Variants in EMCN observed in about 807,000 individuals in gnomAD.
The protein encoded by EMCN is MUC-14.
A neutral mutation model predicts 38.4 loss-of-function variants in EMCN; 37 were observed. The observed-to-expected ratio is 0.96, with a 90% CI of 0.74 to 1.27. The LOEUF (loss-of-function observed/expected upper bound fraction) is 1.27, where lower values mean the gene tolerates loss of function less well. EMCN is among the 50% of genes most tolerant of loss of function. The probability of loss-of-function intolerance (pLI) is 0.00; values close to 1 mark genes in which losing one functional copy is unlikely to be tolerated. For missense variants in EMCN, 318 were observed against 302.8 expected (o/e 1.05, Z -0.37); for synonymous variants, 95 against 100.8 (o/e 0.94, Z 0.35).
intron 8 of EMCN, among the ~76,000 whole-genome samples, chr4:100,420,445 G>A (rs1366639446): frequency 6.6e-6 from 1 of 151,992 alleles, no homozygotes; most frequent in African/African-American, 2.4e-5. Flanking sequence ...GAATAGTATG[G>A]ATGAGGGCAT....
intron 4 of EMCN, among the ~76,000 whole-genome samples, chr4:100,449,263 G>A (rs960143772): frequency 6.6e-6 from 1 of 152,044 alleles, no homozygotes; most frequent in Non-Finnish European, 1.5e-5. Flanking sequence ...CAACTTTTAT[G>A]ATCAGTTTCA....
intron 3 of EMCN, 73 bp from the exon 4 acceptor site, chr4:100,465,612 T>A: frequency 1.3e-6 from 1 of 749,758 alleles, no homozygotes; most frequent in Non-Finnish European, 2.1e-6. Flanking sequence ...CATATTAATA[T>A]CCAACTAAAA....
At position 100,397,222 on chromosome 4, in the gene EMCN, A is replaced by G. The variant is rs1395266404; in HGVS notation, c.*1191T>C. 3 of 152,188 alleles carry G rather than the reference A, an allele frequency of 2.0e-5. No homozygotes were observed. Among genetic ancestry groups the G allele is most frequent in the African/African-American group, 4.8e-5 (2 of 41,462 alleles). The allele number at this position is 152,188 out of a possible 1,614,324, so 9.4% of individuals were successfully genotyped here. ...AAATCAGCTTAGATAATCATACGTT[A>G]CAAAGCTGCCACCAGCAGCTTATTA... On this transcript the variant is annotated 3_prime_UTR_variant, in exon 12 of 12. Transcript: ENST00000296420.
At position 100,410,341 on chromosome 4, in the gene EMCN, G is replaced by A; in HGVS notation, c.766C>T (p.Gln256Ter). 2.5e-6 allele frequency: 4 copies of A among 1,613,716 alleles called. No individual in the cohort carries two copies. Among genetic ancestry groups the A allele is most frequent in the Non-Finnish European group, 3.4e-6 (4 of 1,179,700 alleles). Residue 256 changes from glutamine (Q) to a stop codon, truncating the protein, a stop_gained, in exon 11 of 12, where the codon CAA (glutamine) becomes TAA (stop). Transcript: ENST00000296420. LOFTEE classifies it high-confidence loss of function. ...ISHESGEHSA[Q>*]GKTKN ...AGCTGTCAGTTCTTGGTTTTTCCTT[G>A]TGCAGAGTGCTCACCTGAGAACAGA... is the stretch of plus-strand genomic sequence containing the variant.
At chr4:100,505,915 A>G (rs977377321) in intron 1 of EMCN, among the ~76,000 whole-genome samples, 1 of 152,184 alleles carries the variant, frequency 6.6e-6, no homozygotes, top group East Asian at 1.9e-4. Flanking sequence ...TACACTCTGA[A>G]AATTTAGTTG....
In EMCN at chr4:100,395,819, C is replaced by T. The variant is rs1726105465; in HGVS notation, c.*2594G>A. ...AGAATTCTTTCTCTGCTGGCTGAGC[C>T]TGTATGTCAGCCAACAACATCCACT... On this transcript the variant is annotated 3_prime_UTR_variant, in exon 12 of 12. Transcript: ENST00000296420. The T allele has an allele frequency of 6.6e-6, 1 of 152,180 alleles. No homozygotes were observed. Among genetic ancestry groups the T allele is most frequent in the South Asian group, 2.1e-4 (1 of 4,828 alleles). The allele number at this position is 152,180 out of a possible 1,614,324, so 9.4% of individuals were successfully genotyped here.
chr4:100,400,361 T>TTG (rs1330018093), intron 11 of EMCN, among the ~76,000 whole-genome samples: 2 of 151,804 alleles, frequency 1.3e-5, no homozygotes, highest in African/African-American at 4.8e-5. Context: ...ACATTTTTTT[T>TTG]TTTTGTTTTT....
chr4:100,489,819 CGACTGTGG>C (rs1374556867), intron 1 of EMCN, among the ~76,000 whole-genome samples: 1 of 152,056 alleles, frequency 6.6e-6, no homozygotes, highest in African/African-American at 2.4e-5. Context: ...TCCACAAGGC[CGACTGTGG>C]GACTTGAGCA....
intron 5 of EMCN, among the ~76,000 whole-genome samples, chr4:100,445,782 G>T (rs902760404): frequency 1.3e-5 from 2 of 152,062 alleles, no homozygotes; most frequent in African/African-American, 2.4e-5. Context: ...TTGGGGGATG[G>T]TGTTTCCTGA....
chr4:100,463,627 ACTC>A (rs1298300612), intron 4 of EMCN, among the ~76,000 whole-genome samples: 2 of 151,104 alleles, frequency 1.3e-5, no homozygotes, highest in Non-Finnish European at 3.0e-5. Context: ...CAAATGAAAA[ACTC>A]CTGTGAGCTT....
At chr4:100,452,386 A>C (rs1474321162) in intron 4 of EMCN, among the ~76,000 whole-genome samples, 2 of 152,026 alleles carry the variant, frequency 1.3e-5, no homozygotes, top group Non-Finnish European at 2.9e-5. Flanking sequence ...CAAATCTCTA[A>C]TATTGTATTC....
At chr4:100,498,968 A>T (rs1729281223) in intron 1 of EMCN, among the ~76,000 whole-genome samples, 1 of 152,148 alleles carries the variant, frequency 6.6e-6, no homozygotes, top group African/African-American at 2.4e-5. Flanking sequence ...GAGCTATTAA[A>T]TGTATTCTTT....
At chr4:100,410,547 A>G (rs1487878988) in intron 10 of EMCN, among the ~76,000 whole-genome samples, 192 bp from the exon 11 acceptor site, 4 of 152,152 alleles carry the variant, frequency 2.6e-5, no homozygotes, top group Admixed American at 6.6e-5. Flanking sequence ...CCCAGACATC[A>G]TCTGTTTTCA....
At chr4:100,485,382 T>C (rs538339505) in intron 1 of EMCN, among the ~76,000 whole-genome samples, 21 of 152,218 alleles carry the variant, frequency 1.4e-4, no homozygotes, top group African/African-American at 5.1e-4. Flanking sequence ...TATCACAGTA[T>C]ATCATGAACA....
chr4:100,424,755 G>A lies in EMCN; in HGVS notation c.416-1351C>T, dbSNP rs878898966. ...AGCTGAAACCTTGGTACTTTCAGCT[G>A]CCTTTTCCAGTGTCAAGTAGTTTAG... On this transcript the variant is annotated intron_variant, in intron 5 of 11. Coordinates refer to ENST00000296420, the MANE Select transcript of EMCN (RefSeq NM_016242.4). Among the ~76,000 whole-genome samples, 8 of 152,004 alleles carry A rather than the reference G, an allele frequency of 5.3e-5. 1 individual carries two copies. Among genetic ancestry groups the A allele is most frequent in the Admixed American group, 5.3e-4 (8 of 15,238 alleles).
intron 11 of EMCN, among the ~76,000 whole-genome samples, chr4:100,403,806 G>A (rs1176507570): frequency 6.6e-6 from 1 of 151,888 alleles, no homozygotes; most frequent in East Asian, 1.9e-4. Context: ...GTTTTGATTT[G>A]CATTTCCCAA....
rs1450643314 is a variant in EMCN, at chr4:100,517,940, TTC to T, written c.-28_-27del. On this transcript the variant is annotated 5_prime_UTR_variant, in exon 1 of 12. Transcript: ENST00000296420. ...GGTGCCCGTAGATGGTGTCAATATC[TTC>T]TTTCTCCAGAAGCAGGCAGGGACAA... is the stretch of plus-strand genomic sequence containing the variant. 1.9e-6 allele frequency: 3 copies of T among 1,611,096 alleles called. No homozygotes were observed. Among genetic ancestry groups the T allele is most frequent in the Non-Finnish European group, 2.5e-6 (3 of 1,177,706 alleles).
chr4:100,512,185 C>T (rs1002663256), intron 1 of EMCN, among the ~76,000 whole-genome samples: 20 of 151,998 alleles, frequency 1.3e-4, no homozygotes, highest in African/African-American at 4.1e-4. Flanking sequence ...AATGCTCATA[C>T]GGTGACTTCT....
intron 11 of EMCN, among the ~76,000 whole-genome samples, chr4:100,402,852 C>T (rs1726292843): frequency 6.6e-6 from 1 of 151,934 alleles, no homozygotes; most frequent in African/African-American, 2.4e-5. Context: ...AGAAGACTTG[C>T]TTTTTCCAAG....
Sources: allele counts gnomAD v4.1 joint callset (sites outside exome capture counted in the v4.1 genomes callset), GRCh38; gene constraint gnomAD v4.1.1; transcripts MANE v1.5; gene names NCBI Gene and HGNC (gene_info 2026-07-23, HGNC 2026-07-21).